The following ARHGAP27 variants were observed in gnomAD, a reference collection of about 807,000 sequenced individuals.
ARHGAP27 encodes the protein Rho GTPase activating protein 27.
Under a neutral mutation model 102.0 loss-of-function variants are expected in ARHGAP27, and 53 were observed. That is an observed-to-expected ratio of 0.52 (90% CI 0.42 to 0.65). The LOEUF is 0.65. Ranked by LOEUF, ARHGAP27 falls within the 30% of genes least tolerant of loss-of-function variation. The pLI, the probability that ARHGAP27 is intolerant of heterozygous loss-of-function variation, is 0.00. For missense variants in ARHGAP27, 1,117 were observed against 1,256.2 expected, an observed-to-expected ratio of 0.89 and a Z score of 1.68; for synonymous variants, 525 against 542.8, an observed-to-expected ratio of 0.97 and a Z score of 0.46.
chr17:45,421,614 A>G (rs1044178424), intron 4 of ARHGAP27, among the ~76,000 whole-genome samples: 2 of 152,228 alleles, frequency 1.3e-5, no homozygotes, highest in East Asian at 1.9e-4. Flanking sequence ...AAGAATCCCC[A>G]TCGAGGCATG....
In ARHGAP27 at chr17:45,405,015, G is replaced by A. The variant is rs753180181; in HGVS notation, c.1157C>T (p.Pro386Leu). 6.2e-7 allele frequency: 1 copy of A among 1,614,040 alleles called. No homozygotes were observed. The highest frequency in any genetic ancestry group is 1.1e-5 in the South Asian group (1 of 91,076). Residue 386 changes from proline to leucine, a missense_variant, in exon 6 of 20, where the codon CCT becomes CTT. Coordinates refer to ENST00000685559, the MANE Select transcript of ARHGAP27 (RefSeq NM_001282290.2). ...SPVGSFGEPG[P>L]TSPLTTPPGW... ...GGGGGGTGTGGTCAAGGGAGAGGTAGGGCCGGGCTCACCGAAAGAGCCCAC... is the reference window on the plus strand; with the variant it reads ...GGGGGGTGTGGTCAAGGGAGAGGTAAGGCCGGGCTCACCGAAAGAGCCCAC...
At position 45,405,732 on chromosome 17, in the gene ARHGAP27, C is replaced by T. The variant is rs760799467; in HGVS notation, c.1009G>A (p.Glu337Lys). The T allele has an allele frequency of 5.0e-6, 8 of 1,602,626 alleles. No homozygotes were observed. Among genetic ancestry groups the T allele is most frequent in the Non-Finnish European group, 6.8e-6 (8 of 1,179,626 alleles). ...CCCGGCTGCATCTCCAACTCCTCCT[C>T]GGGCTCGTTCTCGGCCTCGTCCTCC... ...AWEDEAENEPEEELEMQPGLS... is the reference protein window; with the variant it reads ...AWEDEAENEPKEELEMQPGLS... The change falls in exon 5 of 20, where the codon GAG becomes AAG. Residue 337 changes from glutamate to lysine, a missense_variant. Glu to Lys is a moderately conservative substitution (Grantham distance 56). This residue lies in a region of ARHGAP27 where 610 missense variants were observed against 716.4 expected (regional missense o/e 0.85). Transcript: ENST00000685559.
chr17:45,405,785 TAGA>T lies in ARHGAP27; in HGVS notation c.953_955del (p.Phe318del), dbSNP rs1158310885. 1.4e-5 allele frequency: 22 copies of T among 1,561,342 alleles called. No individual in the cohort carries two copies. The highest frequency in any genetic ancestry group is 1.7e-4 in the Middle Eastern group (1 of 6,008). On this transcript the variant is annotated inframe_deletion, in exon 5 of 20. Coordinates refer to ENST00000685559, the MANE Select transcript of ARHGAP27 (RefSeq NM_001282290.2). ...GGCCGTCTCGCCCGTCAGCGGGTTGTAGAAGAACACCCTGCGGCTCTCCTCATC... is the reference window on the plus strand; with the variant it reads ...GGCCGTCTCGCCCGTCAGCGGGTTGTAGAACACCCTGCGGCTCTCCTCATC...
chr17:45,405,571 A>G, intron 5 of ARHGAP27, 105 bp downstream of exon 5: 1 of 1,087,164 alleles, frequency 9.2e-7, no homozygotes, highest in Non-Finnish European at 1.2e-6. Flanking sequence ...AGCCCCGCCC[A>G]CCCATCACCA....
Position 45,406,013 on chromosome 17 carries a change from G to A in ARHGAP27, c.728C>T (p.Ala243Val). 3 of 1,535,040 alleles carry A rather than the reference G, an allele frequency of 2.0e-6. No homozygotes were observed. The highest frequency in any genetic ancestry group is 1.7e-6 in the Non-Finnish European group (2 of 1,146,298). ...CACCGGGCTGGGAAGGGGGGCTGCA[G>A]CGGCGCCCGGTGAAGTGGCCCGGGG... ...RQPRATSPGAAAAPLPSPVWE... is the reference protein window; with the variant it reads ...RQPRATSPGAVAAPLPSPVWE... Residue 243 changes from alanine (A) to valine (V), a missense_variant, in exon 5 of 20, where the codon GCT (alanine) becomes GTT (valine). Coordinates refer to ENST00000685559, the MANE Select transcript of ARHGAP27 (RefSeq NM_001282290.2).
chr17:45,403,558 AT>A, intron 11 of ARHGAP27, 60 bp downstream of exon 11: 1 of 1,382,784 alleles, frequency 7.2e-7, no homozygotes, highest in Non-Finnish European at 1.0e-6. Context: ...CTCAAAAAAA[AT>A]AAAAATAAAA....
At chr17:45,419,507 TG>T (rs1031814617) in intron 4 of ARHGAP27, among the ~76,000 whole-genome samples, 3 of 97,218 alleles carry the variant, frequency 3.1e-5, no homozygotes, top group African/African-American at 1.1e-4. Flanking sequence ...AGACTTATGC[TG>T]TATGTATATA....
intron 16 of ARHGAP27, 70 bp downstream of exon 16, chr17:45,396,417 G>C: frequency 2.0e-6 from 3 of 1,470,632 alleles, no homozygotes; most frequent in South Asian, 1.3e-5. Context: ...GGGGTCTCCA[G>C]CCTGCGGTCC....
intron 17 of ARHGAP27, 24 bp downstream of exon 17, chr17:45,396,183 G>A: frequency 6.3e-7 from 1 of 1,597,012 alleles, no homozygotes; most frequent in South Asian, 1.1e-5. Context: ...AGGCCCTGGG[G>A]CAGGGGTTGG....
intron 4 of ARHGAP27, among the ~76,000 whole-genome samples, chr17:45,424,433 G>A (rs187867539): frequency 1.3e-5 from 2 of 152,244 alleles, no homozygotes; most frequent in Non-Finnish European, 2.9e-5. Flanking sequence ...ATGGAGACTC[G>A]ACCACATCCC....
At position 45,410,206 on chromosome 17, in the gene ARHGAP27, C is replaced by T. The variant is rs1567714095; in HGVS notation, c.658-4123G>A. 4 of 1,532,994 alleles carry T rather than the reference C, an allele frequency of 2.6e-6. No homozygotes were observed. The Admixed American group carries it at 7.9e-5, about 30-fold the overall frequency. 95.0% of individuals were successfully genotyped at this position (1,532,994 alleles called of 1,614,324 possible). The stretch of plus-strand genomic sequence containing the variant: ...GGGCTTGTGGTAGAGGCCCACCGGG[C>T]ACCCCTTGACCCCAGCATCCCCTAC... On this transcript the variant is annotated intron_variant, in intron 4 of 19. Coordinates refer to ENST00000685559, the MANE Select transcript of ARHGAP27 (RefSeq NM_001282290.2).
chr17:45,430,091 G>A lies in ARHGAP27; in HGVS notation c.189C>T (p.Tyr63=). 1.3e-6 allele frequency: 2 copies of A among 1,488,790 alleles called. No homozygotes were observed. Among genetic ancestry groups the A allele is most frequent in the Admixed American group, 2.4e-5 (1 of 40,878 alleles). The allele number at this position is 1,488,790 out of a possible 1,614,324, so 92.2% of individuals were successfully genotyped here. ...TGCCCAGCGCGGGCAGCTCGCGCAC[G>A]TACTGCGCAGGCAGGTAGAAGGGGC... ...GGRPFYLPAQ[Y]VRELPALGNP... Residue 63 remains tyrosine, a synonymous_variant, in exon 4 of 20, where the codon TAC becomes TAT. Transcript: ENST00000685559. The surrounding 1 kb of genome is among the most constrained non-coding windows in gnomAD (Gnocchi z 4.4).
At chr17:45,410,204 G>A in intron 4 of ARHGAP27, 2 of 1,532,848 alleles carry the variant, frequency 1.3e-6, no homozygotes, top group South Asian at 2.4e-5. Context: ...AGGCCCACCG[G>A]GCACCCCTTG....
chr17:45,396,644 C>T (rs1172899563), intron 15 of ARHGAP27, 24 bp downstream of exon 15: 1 of 1,612,790 alleles, frequency 6.2e-7, no homozygotes, highest in East Asian at 2.2e-5. Flanking sequence ...TCCCGGGTCC[C>T]CGCCCCCCGC....
intron 1 of ARHGAP27, among the ~76,000 whole-genome samples, 169 bp downstream of exon 1, chr17:45,432,583 C>T (rs2050130155): frequency 2.0e-5 from 3 of 152,138 alleles, no homozygotes; most frequent in Admixed American, 6.5e-5. Flanking sequence ...CCGCGCAGCT[C>T]CCGCCCCAGC....
chr17:45,403,297 C>T (rs1028091250), intron 11 of ARHGAP27, among the ~76,000 whole-genome samples: 13 of 152,206 alleles, frequency 8.5e-5, no homozygotes, highest in Non-Finnish European at 1.0e-4. Flanking sequence ...CAGTGGCTCA[C>T]GCCTGTAATC....
Position 45,395,191 on chromosome 17 carries a change from G to C in ARHGAP27, c.*265C>G. On this transcript the variant is annotated 3_prime_UTR_variant, in exon 20 of 20. Coordinates refer to ENST00000685559, the MANE Select transcript of ARHGAP27 (RefSeq NM_001282290.2). Reference sequence around the variant, plus strand: ...ATCGCACACGCACAGTAGGCGCGATGCAACAGAGAAAAAACCGAATTAACC... The same window carrying C: ...ATCGCACACGCACAGTAGGCGCGATCCAACAGAGAAAAAACCGAATTAACC... 1 of 552,840 alleles carries C rather than the reference G, an allele frequency of 1.8e-6. No individual in the cohort carries two copies. The highest frequency in any genetic ancestry group is 3.2e-6 in the Non-Finnish European group (1 of 311,970). 34.2% of individuals were successfully genotyped at this position (552,840 alleles called of 1,614,324 possible).
At chr17:45,407,295 C>CG (rs982253317) in intron 4 of ARHGAP27, among the ~76,000 whole-genome samples, 2 of 152,104 alleles carry the variant, frequency 1.3e-5, no homozygotes, top group South Asian at 2.1e-4. Context: ...ATCTCCACCC[C>CG]TTTTTTTGCC....
In ARHGAP27 at chr17:45,405,100, T is replaced by C. The variant is rs749154967; in HGVS notation, c.1072A>G (p.Thr358Ala). The C allele has an allele frequency of 2.1e-5, 33 of 1,575,350 alleles. No individual in the cohort carries two copies. The highest frequency in any genetic ancestry group is 2.7e-5 in the Non-Finnish European group (31 of 1,158,926). ...PGSPGDPRPPTPETDYPESLT... is the reference protein window; with the variant it reads ...PGSPGDPRPPAPETDYPESLT... ...GACTCGGGGTAGTCCGTCTCGGGAG[T>C]GGGGGGCTGCGGGGAACAGAAGGTG... is the stretch of plus-strand genomic sequence containing the variant. Residue 358 changes from threonine to alanine, a missense_variant, in exon 6 of 20, where the codon ACT becomes GCT. By Grantham distance (58) the Thr-to-Ala change is moderately conservative. Around this residue, in one of 3 missense-constraint regions of ARHGAP27, gnomAD observed 610 missense variants for 716.4 expected, o/e 0.85. Transcript: ENST00000685559.
Sources: allele counts gnomAD v4.1 joint callset (sites outside exome capture counted in the v4.1 genomes callset), GRCh38; gene constraint gnomAD v4.1.1; regional missense constraint gnomAD v4.1.1; non-coding constraint Gnocchi (gnomAD v3.1); transcripts MANE v1.5; gene names NCBI Gene and HGNC (gene_info 2026-07-23, HGNC 2026-07-21).